PAPOLA: variants seen among roughly 807,000 people sequenced by gnomAD.
The protein encoded by PAPOLA is poly(A) polymerase alpha.
PAPOLA carries 15 observed loss-of-function variants against 100.6 expected under a neutral mutation model. That is an observed-to-expected ratio of 0.15 (90% CI 0.10 to 0.23). The LOEUF is 0.23. PAPOLA is among the 10% of genes least tolerant of loss of function. The pLI is 1.00. For missense variants in PAPOLA, 533 were observed against 884.2 expected (o/e 0.60, Z 5.04); for synonymous variants, 293 against 300.0 (o/e 0.98, Z 0.24).
chr14:96,515,611 A>T (rs1347348691), intron 1 of PAPOLA, among the ~76,000 whole-genome samples: 2 of 152,224 alleles, frequency 1.3e-5, no homozygotes, highest in Non-Finnish European at 2.9e-5. Flanking sequence ...GATGGCTGCC[A>T]GTTGCACTCT....
At chr14:96,563,441 ATTTGTGAAC>A (rs1463868608) in intron 21 of PAPOLA, among the ~76,000 whole-genome samples, 2 of 152,072 alleles carry the variant, frequency 1.3e-5, no homozygotes, top group African/African-American at 4.8e-5. Context: ...TTTTTCATTG[ATTTGTGAAC>A]CTTCATTTTG....
chr14:96,523,430 C>T (rs533408042), intron 3 of PAPOLA, among the ~76,000 whole-genome samples: 1 of 152,322 alleles, frequency 6.6e-6, no homozygotes, highest in South Asian at 2.1e-4. Context: ...ATATTTACAT[C>T]CTTGCAGAAA....
intron 19 of PAPOLA, among the ~76,000 whole-genome samples, chr14:96,558,350 G>A (rs940550532): frequency 6.6e-6 from 1 of 152,082 alleles, no homozygotes; most frequent in African/African-American, 2.4e-5. Context: ...AGTTGTCACG[G>A]CATTTCAGAA....
At chr14:96,527,043 C>T (rs1368405501) in intron 4 of PAPOLA, 1 of 162,654 alleles carries the variant, frequency 6.1e-6, no homozygotes, top group Non-Finnish European at 1.3e-5. Flanking sequence ...TGGTAGAGAA[C>T]CTATAAGCAC....
chr14:96,502,467 G>A lies in PAPOLA; in HGVS notation c.-126G>A. 1 of 743,620 alleles carries A rather than the reference G, an allele frequency of 1.3e-6. No homozygotes were observed. The highest frequency in any genetic ancestry group is 1.6e-5 in the South Asian group (1 of 64,332). The allele number at this position is 743,620 out of a possible 1,614,324, so 46.1% of individuals were successfully genotyped here. A position where few individuals can be genotyped will look rare whatever the true frequency, so the allele number is the denominator to read the frequency against. ...GCTTAAAGCGGCGGGAGCGGTGCGG[G>A]AGAGGGGTTGGACCCAGGGCTGAGG... is the stretch of plus-strand genomic sequence containing the variant. On this transcript the variant is annotated 5_prime_UTR_variant, in exon 1 of 22. Coordinates refer to ENST00000216277, the MANE Select transcript of PAPOLA (RefSeq NM_032632.5).
At chr14:96,553,268 T>G (rs1330748623) in intron 17 of PAPOLA, 1 of 152,480 alleles carries the variant, frequency 6.6e-6, no homozygotes, top group Non-Finnish European at 1.5e-5. Flanking sequence ...ATCCCAACAC[T>G]TGGGGAGGCT....
chr14:96,533,338 C>T (rs80332203), intron 9 of PAPOLA: 57,771 of 982,342 alleles, frequency 0.059, 1,747 homozygotes, highest in Non-Finnish European at 0.06. Flanking sequence ...TTCTTATGAA[C>T]TCCTGCTCCT....
intron 17 of PAPOLA, 60 bp from the exon 18 acceptor site, chr14:96,555,785 AAT>A: frequency 1.2e-6 from 1 of 829,042 alleles, no homozygotes; most frequent in Non-Finnish European, 1.9e-6. Flanking sequence ...AGATTATTGT[AAT>A]TTTTTTTTTA....
chr14:96,552,667 A>G, intron 17 of PAPOLA, 45 bp downstream of exon 17: 1 of 1,533,216 alleles, frequency 6.5e-7, no homozygotes, highest in South Asian at 1.2e-5. Context: ...TGTTTGCTAA[A>G]TCAATCAGAT....
intron 11 of PAPOLA, 68 bp downstream of exon 11, chr14:96,536,067 CAG>C: frequency 8.4e-7 from 1 of 1,187,338 alleles, no homozygotes; most frequent in Non-Finnish European, 1.1e-6. Context: ...ACCCAGTAGT[CAG>C]CTGTGCAACT....
At chr14:96,540,276 C>T (rs868139760) in intron 12 of PAPOLA, among the ~76,000 whole-genome samples, 4 of 152,250 alleles carry the variant, frequency 2.6e-5, no homozygotes, top group Middle Eastern at 6.8e-3. Flanking sequence ...TTAGAGACTG[C>T]GGGAGTTTTG....
intron 4 of PAPOLA, chr14:96,526,394 A>C (rs2140271060): frequency 1.3e-5 from 2 of 152,468 alleles, no homozygotes; most frequent in Middle Eastern, 3.4e-3. Flanking sequence ...ATGCAGTGGC[A>C]CAGTCTTGGC....
At chr14:96,560,310 G>A (rs975385219) in intron 19 of PAPOLA, 8 of 184,558 alleles carry the variant, frequency 4.3e-5, no homozygotes, top group African/African-American at 1.7e-4. Flanking sequence ...GTGATACTAT[G>A]CCAAGTTCCT....
chr14:96,534,367 C>A (rs761785951), intron 9 of PAPOLA, 124 bp from the exon 10 acceptor site: 396 of 1,490,228 alleles, frequency 2.7e-4, no homozygotes, highest in Non-Finnish European at 3.3e-4. Flanking sequence ...AGGATTAAAA[C>A]GTTGTATGTA....
At chr14:96,521,397 G>A (rs920981986) in intron 3 of PAPOLA, among the ~76,000 whole-genome samples, 8 of 152,118 alleles carry the variant, frequency 5.3e-5, no homozygotes, top group African/African-American at 1.9e-4. Flanking sequence ...ACATATTTGA[G>A]ACTCTTCTTA....
At chr14:96,529,897 T>A (rs976595041) in intron 6 of PAPOLA, among the ~76,000 whole-genome samples, 3 of 152,212 alleles carry the variant, frequency 2.0e-5, no homozygotes, top group African/African-American at 7.2e-5. Context: ...AGCGGAATTC[T>A]ATGTCTTCAA....
At chr14:96,554,484 T>C (rs1820468533) in intron 17 of PAPOLA, among the ~76,000 whole-genome samples, 1 of 152,250 alleles carries the variant, frequency 6.6e-6, no homozygotes, top group African/African-American at 2.4e-5. Flanking sequence ...GACTGCTCCG[T>C]GGTTCCCTGT....
intron 18 of PAPOLA, 42 bp downstream of exon 18, chr14:96,555,989 A>T: frequency 3.6e-6 from 5 of 1,374,146 alleles, no homozygotes; most frequent in Non-Finnish European, 4.1e-6. Context: ...TTCTTACATT[A>T]TATTTGGTTT....
chr14:96,544,205 C>T lies in PAPOLA; in HGVS notation c.1346C>T (p.Ser449Phe). 6.2e-7 allele frequency: 1 copy of T among 1,609,500 alleles called. No homozygotes were observed. Among genetic ancestry groups the T allele is most frequent in the Non-Finnish European group, 8.5e-7 (1 of 1,175,968 alleles). ...TTAGTGTTTAAAAAAACAGAAAACT[C>T]TGAAAACCTCAGTGTTGATCTCACC... ...IGLVFKKTEN[S>F]ENLSVDLTYD... Residue 449 changes from serine (S) to phenylalanine (F), a missense_variant, in exon 15 of 22, where the codon TCT (serine) becomes TTT (phenylalanine). By Grantham distance (155) the Ser-to-Phe change is radical. Coordinates refer to ENST00000216277, the MANE Select transcript of PAPOLA (RefSeq NM_032632.5).
Sources: allele counts gnomAD v4.1 joint callset (sites outside exome capture counted in the v4.1 genomes callset), GRCh38; gene constraint gnomAD v4.1.1; transcripts MANE v1.5; gene names NCBI Gene and HGNC (gene_info 2026-07-23, HGNC 2026-07-21).